Variants in DXO observed in about 807,000 individuals in gnomAD.
DXO encodes the protein decapping exoribonuclease, also known as decapping and exoribonuclease protein.
In DXO, 42 loss-of-function variants were observed where a neutral mutation model predicts 39.8. That is an observed-to-expected ratio of 1.06 (90% confidence interval 0.83 to 1.37). The LOEUF (loss-of-function observed/expected upper bound fraction) is 1.37. DXO is among the 40% of genes most tolerant of loss of function. DXO has a pLI of 0.00. For missense variants in DXO, 495 were observed against 513.0 expected, an observed-to-expected ratio of 0.96 and a Z score of 0.34; for synonymous variants, 193 against 200.4, an observed-to-expected ratio of 0.96 and a Z score of 0.31.
Position 31,972,032 on chromosome 6 carries a change from C to T in DXO, c.-110G>A. Reference sequence around the variant, plus strand: ...GGTTTTCTGCTTTCGATGATGCAATCATTCAGCGACAGTGGCGGGCAAACC... The same window carrying T: ...GGTTTTCTGCTTTCGATGATGCAATTATTCAGCGACAGTGGCGGGCAAACC... On this transcript the variant is annotated 5_prime_UTR_variant, in exon 1 of 7. The change abolishes an upstream ATG in the 5' untranslated region. Transcript: ENST00000337523. The surrounding 1 kb of genome is among the most constrained non-coding windows in gnomAD (Gnocchi z 6.3). 8 of 1,609,872 alleles carry T rather than the reference C, an allele frequency of 5.0e-6. No homozygotes were observed. Among genetic ancestry groups the T allele is most frequent in the Non-Finnish European group, 6.8e-6 (8 of 1,176,916 alleles).
Position 31,971,045 on chromosome 6 carries a change from G to GGCTGCCA in DXO, c.452_458dup (p.Ser154GlyfsTer13), listed in dbSNP as rs1304378957. 7 of 1,612,904 alleles carry GGCTGCCA rather than the reference G, an allele frequency of 4.3e-6. No individual in the cohort carries two copies. In the African/African-American group the frequency reaches 6.7e-5, roughly 15 times the overall value. On this transcript the variant is annotated frameshift_variant, in exon 3 of 7. Coordinates refer to ENST00000337523, the MANE Select transcript of DXO (RefSeq NM_005510.4). LOFTEE classifies it high-confidence loss of function. The surrounding 1 kb of genome is among the most constrained non-coding windows in gnomAD (Gnocchi z 4.5). ...GGTATAGTGTTCCCTGGAACCGGGA[G>GGCTGCCA]GCTGCCAGCTGCCAGCCCTCCTGCC...
chr6:31,970,826 C>T lies in DXO; in HGVS notation c.593-1G>A. 3.1e-6 allele frequency: 5 copies of T among 1,612,682 alleles called. No individual in the cohort carries two copies. Among genetic ancestry groups the T allele is most frequent in the Non-Finnish European group, 4.2e-6 (5 of 1,179,846 alleles). ...GGGTCTGGGGAGCTTCCAGGTTTGT[C>T]TGCACAAGGAGAGAAGCAGCAGCAG... On this transcript the variant is annotated splice_acceptor_variant, in intron 3 of 6. Coordinates refer to ENST00000337523, the MANE Select transcript of DXO (RefSeq NM_005510.4). LOFTEE classifies it high-confidence loss of function. The surrounding 1 kb of genome is among the most constrained non-coding windows in gnomAD (Gnocchi z 4.0).
Position 31,971,805 on chromosome 6 carries a change from G to T in DXO, c.-7+124C>A. 1 of 1,326,468 alleles carries T rather than the reference G, an allele frequency of 7.5e-7. No individual in the cohort carries two copies. The highest frequency in any genetic ancestry group is 2.5e-5 in the East Asian group (1 of 39,882). The allele number at this position is 1,326,468 out of a possible 1,614,324, so 82.2% of individuals were successfully genotyped here. On this transcript the variant is annotated intron_variant, in intron 1 of 6. Coordinates refer to ENST00000337523, the MANE Select transcript of DXO (RefSeq NM_005510.4). This position sits in a 1 kb window ranked among gnomAD's most constrained non-coding sequence, Gnocchi z 4.5. ...GGCCTTGAAACATTCAGGCCCCTCA[G>T]ACGCCACCGCGGCCAAGCTCTCATC...
rs1194307656 is a variant in DXO, at chr6:31,970,480, T to A, written c.813-2A>T. Reference sequence around the variant, plus strand: ...GCCCACCATTTCAGGAGCTTGTGTCTGACAGGAAAAGCAAGGGATCAGTGG... The same window carrying A: ...GCCCACCATTTCAGGAGCTTGTGTCAGACAGGAAAAGCAAGGGATCAGTGG... On this transcript the variant is annotated splice_acceptor_variant, in intron 4 of 6. Transcript: ENST00000337523. LOFTEE classifies it high-confidence loss of function. This position sits in a 1 kb window ranked among gnomAD's most constrained non-coding sequence, Gnocchi z 4.0. The A allele has an allele frequency of 6.2e-7, 1 of 1,614,080 alleles. No homozygotes were observed. The highest frequency in any genetic ancestry group is 1.1e-5 in the South Asian group (1 of 91,088).
In DXO at chr6:31,970,157, G is replaced by A. The variant is rs12205138; in HGVS notation, c.995C>T (p.Ala332Val). Residue 332 changes from alanine (A) to valine (V), a missense_variant, in exon 6 of 7, where the codon GCC (alanine) becomes GTC (valine). Ala to Val is a moderately conservative substitution (Grantham distance 64). Transcript: ENST00000337523. This position sits in a 1 kb window ranked among gnomAD's most constrained non-coding sequence, Gnocchi z 4.0. ...WNPSVCMNFC[A>V]AFLSFAQSTV... ...GCTCTGGGCAAAGCTAAGGAAGGCGGCACAGAAGTTCATGCACACAGAGGG... is the reference window on the plus strand; with the variant it reads ...GCTCTGGGCAAAGCTAAGGAAGGCGACACAGAAGTTCATGCACACAGAGGG... 2 of 1,613,954 alleles carry A rather than the reference G, an allele frequency of 1.2e-6. No individual in the cohort carries two copies. Among genetic ancestry groups the A allele is most frequent in the Non-Finnish European group, 1.7e-6 (2 of 1,180,028 alleles).
At position 31,971,296 on chromosome 6, in the gene DXO, T is replaced by G; in HGVS notation, c.356+24A>C. The stretch of plus-strand genomic sequence containing the variant: ...GAGGGTAGGTACGGGTCTCCAGATA[T>G]ACTGCCTACCACGCTTTGCTCACCC... On this transcript the variant is annotated intron_variant, in intron 2 of 6. Transcript: ENST00000337523. This position sits in a 1 kb window ranked among gnomAD's most constrained non-coding sequence, Gnocchi z 4.5. 1.3e-6 allele frequency: 2 copies of G among 1,537,382 alleles called. No homozygotes were observed. Among genetic ancestry groups the G allele is most frequent in the Non-Finnish European group, 8.8e-7 (1 of 1,141,416 alleles).
rs747322612 is a variant in DXO at position 31,969,849 on chromosome 6, G to T, written c.*28C>A. ...TATGCTTTTATTATCTGCACACAGA[G>T]ATATGACTGCCTCCCTCTAAAGCAT... On this transcript the variant is annotated 3_prime_UTR_variant, in exon 7 of 7. Coordinates refer to ENST00000337523, the MANE Select transcript of DXO (RefSeq NM_005510.4). This position sits in a 1 kb window ranked among gnomAD's most constrained non-coding sequence, Gnocchi z 6.1. 1 of 1,614,066 alleles carries T rather than the reference G, an allele frequency of 6.2e-7. No homozygotes were observed. The highest frequency in any genetic ancestry group is 8.5e-7 in the Non-Finnish European group (1 of 1,179,968).
chr6:31,971,850 T>G lies in DXO; in HGVS notation c.-7+79A>C. On this transcript the variant is annotated intron_variant, in intron 1 of 6. Transcript: ENST00000337523. This position sits in a 1 kb window ranked among gnomAD's most constrained non-coding sequence, Gnocchi z 4.5. ...CTCATCCTGCCTCTTTCCTTGCCCT[T>G]CACCCACCCTCCCTCCAGGTCCTCC... 7.3e-7 allele frequency: 1 copy of G among 1,374,828 alleles called. No homozygotes were observed. The highest frequency in any genetic ancestry group is 9.7e-7 in the Non-Finnish European group (1 of 1,032,448). The allele number at this position is 1,374,828 out of a possible 1,614,324, so 85.2% of individuals were successfully genotyped here.
At position 31,970,595 on chromosome 6, in the gene DXO, C is replaced by G; in HGVS notation, c.812+11G>C. ...GCCTAAGCTCTCGCCCTGCCCACCC[C>G]GATCCTGAACCTGTAGAAACTCCTC... On this transcript the variant is annotated intron_variant, in intron 4 of 6. Coordinates refer to ENST00000337523, the MANE Select transcript of DXO (RefSeq NM_005510.4). This position sits in a 1 kb window ranked among gnomAD's most constrained non-coding sequence, Gnocchi z 4.0. 1 of 1,612,880 alleles carries G rather than the reference C, an allele frequency of 6.2e-7. No individual in the cohort carries two copies. The highest frequency in any genetic ancestry group is 8.5e-7 in the Non-Finnish European group (1 of 1,179,390).
Position 31,970,930 on chromosome 6 carries a change from C to A in DXO, c.574G>T (p.Glu192Ter). 6.2e-7 allele frequency: 1 copy of A among 1,612,686 alleles called. No individual in the cohort carries two copies. The highest frequency in any genetic ancestry group is 8.5e-7 in the Non-Finnish European group (1 of 1,179,796). The change falls in exon 3 of 7, where the codon GAG becomes TAG. Residue 192 changes from glutamate (E) to a stop codon, truncating the protein, a stop_gained. Coordinates refer to ENST00000337523, the MANE Select transcript of DXO (RefSeq NM_005510.4). LOFTEE classifies it high-confidence loss of function. The surrounding 1 kb of genome is among the most constrained non-coding windows in gnomAD (Gnocchi z 4.0). Reference sequence around the variant, plus strand: ...AACTCACCTGCACACATGTACTGCTCAAATTTGTATCCCATGTACATAAGC... The same window carrying A: ...AACTCACCTGCACACATGTACTGCTAAAATTTGTATCCCATGTACATAAGC... ...RELMYMGYKF[E>*]QYMCADKPGS...
In DXO at chr6:31,971,363, G is replaced by A. The variant is rs375528246; in HGVS notation, c.313C>T (p.His105Tyr). The A allele has an allele frequency of 2.6e-5, 40 of 1,564,250 alleles. No homozygotes were observed. Among genetic ancestry groups the A allele is most frequent in the Non-Finnish European group, 3.5e-5 (40 of 1,152,960 alleles). ...RDEEVQERLDHLLCWLLEHRG... is the reference protein window; with the variant it reads ...RDEEVQERLDYLLCWLLEHRG... ...TGTTCCAGGAGCCAGCACAGCAGGTGGTCCAGCCTTTCCTGGACCTCCTCG... is the reference window on the plus strand; with the variant it reads ...TGTTCCAGGAGCCAGCACAGCAGGTAGTCCAGCCTTTCCTGGACCTCCTCG... Residue 105 changes from histidine to tyrosine, a missense_variant, in exon 2 of 7, where the codon CAC becomes TAC. Physicochemically the swap from His to Tyr is moderately conservative, Grantham distance 83. Coordinates refer to ENST00000337523, the MANE Select transcript of DXO (RefSeq NM_005510.4). The surrounding 1 kb of genome is among the most constrained non-coding windows in gnomAD (Gnocchi z 4.5).
Position 31,970,371 on chromosome 6 carries a change from G to A in DXO, c.920C>T (p.Pro307Leu). The A allele has an allele frequency of 6.2e-7, 1 of 1,614,080 alleles. No homozygotes were observed. Among genetic ancestry groups the A allele is most frequent in the Non-Finnish European group, 8.5e-7 (1 of 1,180,008 alleles). Residue 307 changes from proline to leucine, a missense_variant, in exon 5 of 7, where the codon CCT becomes CTT. Physicochemically the swap from Pro to Leu is moderately conservative, Grantham distance 98. Transcript: ENST00000337523. This position sits in a 1 kb window ranked among gnomAD's most constrained non-coding sequence, Gnocchi z 4.0. ...GACATATTCAAACATCTTCATGGTA[G>A]GAAAGGTCTTGAGGGAAGAGACAAA... is the stretch of plus-strand genomic sequence containing the variant. ...DGFVSSLKTF[P>L]TMKMFEYVRN...
Position 31,969,844 on chromosome 6 carries a change from A to G in DXO, c.*33T>C. 1.2e-6 allele frequency: 2 copies of G among 1,613,984 alleles called. No individual in the cohort carries two copies. The highest frequency in any genetic ancestry group is 1.7e-6 in the Non-Finnish European group (2 of 1,179,918). Reference sequence around the variant, plus strand: ...AGAAATATGCTTTTATTATCTGCACACAGAGATATGACTGCCTCCCTCTAA... The same window carrying G: ...AGAAATATGCTTTTATTATCTGCACGCAGAGATATGACTGCCTCCCTCTAA... On this transcript the variant is annotated 3_prime_UTR_variant, in exon 7 of 7. Coordinates refer to ENST00000337523, the MANE Select transcript of DXO (RefSeq NM_005510.4). The surrounding 1 kb of genome is among the most constrained non-coding windows in gnomAD (Gnocchi z 6.1).
At position 31,970,062 on chromosome 6, in the gene DXO, G is replaced by A. The variant is rs770845056; in HGVS notation, c.1044-38C>T. 3 of 1,613,884 alleles carry A rather than the reference G, an allele frequency of 1.9e-6. No individual in the cohort carries two copies. In the African/African-American group the frequency reaches 4.0e-5, roughly 22 times the overall value. On this transcript the variant is annotated intron_variant, in intron 6 of 6. Transcript: ENST00000337523. The surrounding 1 kb of genome is among the most constrained non-coding windows in gnomAD (Gnocchi z 4.0). ...TGGAGGCATCAGTTGAGGGCCAGAG[G>A]CTGGATCCTGGGATCCAGAGGGGAG... is the stretch of plus-strand genomic sequence containing the variant.
In DXO at chr6:31,970,244, G is replaced by A; in HGVS notation, c.949-41C>T. 1 of 1,614,036 alleles carries A rather than the reference G, an allele frequency of 6.2e-7. No homozygotes were observed. Among genetic ancestry groups the A allele is most frequent in the Non-Finnish European group, 8.5e-7 (1 of 1,179,932 alleles). On this transcript the variant is annotated intron_variant, in intron 5 of 6. Coordinates refer to ENST00000337523, the MANE Select transcript of DXO (RefSeq NM_005510.4). This position sits in a 1 kb window ranked among gnomAD's most constrained non-coding sequence, Gnocchi z 4.0. ...GAGGAGGCAGAAGATGGGCAGTGGG[G>A]GTGGTGGGAGGAGAGAAGGCAGGCT...
At position 31,970,909 on chromosome 6, in the gene DXO, C is replaced by T. The variant is rs1208704832; in HGVS notation, c.592+3G>A. On this transcript the variant is annotated splice_donor_region_variant and intron_variant, in intron 3 of 6. Transcript: ENST00000337523. This position sits in a 1 kb window ranked among gnomAD's most constrained non-coding sequence, Gnocchi z 4.0. Reference sequence around the variant, plus strand: ...AGGGGGCTATGAAGCAGGGGCAACTCACCTGCACACATGTACTGCTCAAAT... The same window carrying T: ...AGGGGGCTATGAAGCAGGGGCAACTTACCTGCACACATGTACTGCTCAAAT... 6.2e-7 allele frequency: 1 copy of T among 1,611,134 alleles called. No individual in the cohort carries two copies. Among genetic ancestry groups the T allele is most frequent in the Non-Finnish European group, 8.5e-7 (1 of 1,178,488 alleles).
chr6:31,972,103 C>A lies in DXO; in HGVS notation c.-181G>T. The A allele has an allele frequency of 6.2e-7, 1 of 1,613,128 alleles. No individual in the cohort carries two copies. Among genetic ancestry groups the A allele is most frequent in the South Asian group, 1.1e-5 (1 of 91,068 alleles). ...GTGAGCTTCACGAAGGAGGTTGACA[C>A]CAACGTGGCCACCGGCGCCCCTCCA... is the stretch of plus-strand genomic sequence containing the variant. On this transcript the variant is annotated 5_prime_UTR_variant, in exon 1 of 7. Transcript: ENST00000337523. This position sits in a 1 kb window ranked among gnomAD's most constrained non-coding sequence, Gnocchi z 6.3.
Position 31,971,924 on chromosome 6 carries a change from G to A in DXO, c.-7+5C>T. 2 of 1,537,892 alleles carry A rather than the reference G, an allele frequency of 1.3e-6. No individual in the cohort carries two copies. The highest frequency in any genetic ancestry group is 1.8e-4 in the Middle Eastern group (1 of 5,692). On this transcript the variant is annotated splice_donor_5th_base_variant and intron_variant, in intron 1 of 6. Coordinates refer to ENST00000337523, the MANE Select transcript of DXO (RefSeq NM_005510.4). This position sits in a 1 kb window ranked among gnomAD's most constrained non-coding sequence, Gnocchi z 4.5. ...CGTCTGCGCTCAGATCAAGAATCCA[G>A]TTACCTCAAAGCTCCCCAACTTCCA...
Position 31,970,647 on chromosome 6 carries a change from G to A in DXO, c.771C>T (p.Ser257=). 1.2e-6 allele frequency: 2 copies of A among 1,613,136 alleles called. No individual in the cohort carries two copies. The highest frequency in any genetic ancestry group is 1.7e-6 in the Non-Finnish European group (2 of 1,179,998). Reference sequence around the variant, plus strand: ...ATTGGCCAGGGCTGTGCATCTCCTTGGAGGTCTTGAGCTCCACATAGCAGG... The same window carrying A: ...ATTGGCCAGGGCTGTGCATCTCCTTAGAGGTCTTGAGCTCCACATAGCAGG... ...PPTCYVELKT[S]KEMHSPGQWR... is the part of the protein sequence containing the mutation. The change falls in exon 4 of 7, where the codon TCC becomes TCT. Residue 257 remains serine, a synonymous_variant. Coordinates refer to ENST00000337523, the MANE Select transcript of DXO (RefSeq NM_005510.4). The surrounding 1 kb of genome is among the most constrained non-coding windows in gnomAD (Gnocchi z 4.0).
Sources: gnomAD v4.1 joint callset for allele counts on GRCh38, gnomAD v4.1.1 for gene constraint, Gnocchi (gnomAD v3.1) non-coding constraint, MANE v1.5 for transcripts, NCBI Gene and HGNC (gene_info 2026-07-23, HGNC 2026-07-21) for gene names.